Variants in ECT2L observed in about 807,000 individuals in gnomAD.
ECT2L encodes the protein epithelial cell-transforming sequence 2 oncogene-like.
ECT2L carries 126 observed loss-of-function variants against 122.8 expected under a neutral mutation model. That is an observed-to-expected ratio of 1.03 (90% CI 0.89 to 1.19). The LOEUF (loss-of-function observed/expected upper bound fraction) is 1.19. Among genes scored for constraint, ECT2L ranks in the 50% most tolerant of loss-of-function variants. The pLI, the probability that ECT2L is intolerant of heterozygous loss-of-function variation, is 0.00. For synonymous variants in ECT2L, 385 were observed against 381.8 expected, an observed-to-expected ratio of 1.01 and a Z score of -0.10; for missense variants, 1,012 against 1,064.1, an observed-to-expected ratio of 0.95 and a Z score of 0.68.
At chr6:138,832,215 C>A (rs1261680960) in intron 4 of ECT2L, among the ~76,000 whole-genome samples, 10 of 149,310 alleles carry the variant, frequency 6.7e-5, no homozygotes, top group African/African-American at 2.2e-4. Flanking sequence ...ACATTTCAAA[C>A]ATTCACTCCT....
chr6:138,862,810 T>G, intron 11 of ECT2L, 91 bp downstream of exon 11: 1 of 1,025,168 alleles, frequency 9.8e-7, no homozygotes, highest in Non-Finnish European at 1.5e-6. Context: ...AGTACTGGTA[T>G]GGCTGATATC....
At chr6:138,862,516 G>T (rs1777871218) in intron 10 of ECT2L, 111 bp from the exon 11 acceptor site, 4 of 1,052,384 alleles carry the variant, frequency 3.8e-6, no homozygotes, top group South Asian at 2.8e-5. Context: ...CACCTCCAAC[G>T]TTGGGGATTA....
Position 138,846,532 on chromosome 6 carries a change from T to C in ECT2L, c.765-7T>C, listed in dbSNP as rs746704340. ...GAAAACTTCTCATATTTCCTTTTAC[T>C]CCATAGAAGCAATATTTCTGGAAGC... On this transcript the variant is annotated splice_polypyrimidine_tract_variant and splice_region_variant and intron_variant, in intron 7 of 21. Coordinates refer to ENST00000541398, the MANE Select transcript of ECT2L (RefSeq NM_001077706.3). 1.3e-6 allele frequency: 2 copies of C among 1,572,980 alleles called. No individual in the cohort carries two copies. The highest frequency in any genetic ancestry group is 1.7e-6 in the Non-Finnish European group (2 of 1,164,702).
intron 5 of ECT2L, among the ~76,000 whole-genome samples, chr6:138,842,578 T>C (rs1777077804): frequency 6.6e-6 from 1 of 152,142 alleles, no homozygotes. Flanking sequence ...GAGACCATCC[T>C]GGCTAACACG....
chr6:138,813,987 A>G (rs1252490810), intron 3 of ECT2L, among the ~76,000 whole-genome samples: 1 of 152,110 alleles, frequency 6.6e-6, no homozygotes, highest in Non-Finnish European at 1.5e-5. Context: ...TGTCTTCCCT[A>G]GAGACATGTC....
intron 20 of ECT2L, among the ~76,000 whole-genome samples, chr6:138,895,381 C>T (rs1183707745): frequency 3.3e-5 from 5 of 152,140 alleles, no homozygotes; most frequent in South Asian, 4.1e-4. Flanking sequence ...ACAGGAACCA[C>T]GTTATGGGTG....
chr6:138,831,182 A>G (rs1376320214), intron 4 of ECT2L, among the ~76,000 whole-genome samples: 1 of 152,156 alleles, frequency 6.6e-6, no homozygotes, highest in Non-Finnish European at 1.5e-5. Context: ...TATCAATACC[A>G]GCTTAGGCCA....
intron 15 of ECT2L, among the ~76,000 whole-genome samples, chr6:138,881,451 C>G (rs1485983092): frequency 6.6e-6 from 1 of 151,822 alleles, no homozygotes; most frequent in Non-Finnish European, 1.5e-5. Context: ...GCACCAGGAA[C>G]CAGTTTCATG....
chr6:138,896,229 C>T (rs1053874519), intron 20 of ECT2L, among the ~76,000 whole-genome samples: 17 of 151,970 alleles, frequency 1.1e-4, no homozygotes, highest in African/African-American at 3.9e-4. Flanking sequence ...CTGCACGTGG[C>T]CAAAGCTTAC....
chr6:138,870,399 T>C (rs191780791), intron 13 of ECT2L: 18 of 152,712 alleles, frequency 1.2e-4, no homozygotes, highest in African/African-American at 4.8e-5. Context: ...TAAATCATTA[T>C]ATGAGCTCTA....
At chr6:138,886,342 G>C (rs1055897492) in intron 18 of ECT2L, among the ~76,000 whole-genome samples, 1 of 152,170 alleles carries the variant, frequency 6.6e-6, no homozygotes, top group Admixed American at 6.5e-5. Flanking sequence ...TTTCCATGCA[G>C]ATACTTTTTT....
At chr6:138,822,754 T>C in intron 4 of ECT2L, 1 of 1,589,424 alleles carries the variant, frequency 6.3e-7, no homozygotes, top group Non-Finnish European at 8.6e-7. Flanking sequence ...GCCATGGCTT[T>C]GGAACAGAAC....
intron 1 of ECT2L, among the ~76,000 whole-genome samples, chr6:138,805,618 T>G (rs1170582265): frequency 6.6e-6 from 1 of 152,178 alleles, no homozygotes; most frequent in Non-Finnish European, 1.5e-5. Context: ...AACTGAAATA[T>G]CCAAGATGAC....
chr6:138,846,613 A>G lies in ECT2L; in HGVS notation c.839A>G (p.Asp280Gly), dbSNP rs142505459. The G allele has an allele frequency of 2.8e-4, 452 of 1,611,646 alleles. 2 individuals carry two copies. In the African/African-American group the frequency reaches 5.0e-3, roughly 18 times the overall value. ...TGGCATGGAGTTCATAAAAATGATG[A>G]CAGATCTTCATATGCTCTCCGGCCA... ...KNWHGVHKND[D>G]RSSYALRPHF... Residue 280 changes from aspartate to glycine, a missense_variant, in exon 8 of 22, where the codon GAC becomes GGC. Asp to Gly is a moderately conservative substitution (Grantham distance 94). Coordinates refer to ENST00000541398, the MANE Select transcript of ECT2L (RefSeq NM_001077706.3).
At chr6:138,813,097 CTATCTA>C (rs1357885309) in intron 2 of ECT2L, 69 bp from the exon 3 acceptor site, 4 of 504,056 alleles carry the variant, frequency 7.9e-6, no homozygotes, top group Non-Finnish European at 1.4e-5. Flanking sequence ...AATTATAATT[CTATCTA>C]TATGTTATAT....
chr6:138,870,173 G>C (rs902049950), intron 13 of ECT2L: 9 of 152,584 alleles, frequency 5.9e-5, no homozygotes, highest in Non-Finnish European at 1.3e-4. Context: ...TTTCTTGCGG[G>C]GGGGTTGGGC....
Position 138,862,734 on chromosome 6 carries a change from A to T in ECT2L, c.1291+15A>T, listed in dbSNP as rs779763665. 2.4e-5 allele frequency: 39 copies of T among 1,609,802 alleles called. No homozygotes were observed. Among genetic ancestry groups the T allele is most frequent in the Non-Finnish European group, 3.2e-5 (38 of 1,176,384 alleles). On this transcript the variant is annotated intron_variant, in intron 11 of 21. Coordinates refer to ENST00000541398, the MANE Select transcript of ECT2L (RefSeq NM_001077706.3). ...TTACCAGCACAGTAAGTGTTATGGG[A>T]GCTGAGCGCCACGTCCAATAACACA... is the stretch of plus-strand genomic sequence containing the variant.
At chr6:138,891,095 T>C (rs967973862) in intron 20 of ECT2L, among the ~76,000 whole-genome samples, 1 of 150,684 alleles carries the variant, frequency 6.6e-6, no homozygotes, top group African/African-American at 2.5e-5. Flanking sequence ...CATTATACTC[T>C]CCTCCCTTAA....
chr6:138,872,196 A>G (rs1778280638), intron 13 of ECT2L, among the ~76,000 whole-genome samples: 1 of 152,192 alleles, frequency 6.6e-6, no homozygotes, highest in Non-Finnish European at 1.5e-5. Flanking sequence ...TACAGGTTGA[A>G]GCCCTGCTTG....
Sources: allele counts gnomAD v4.1 joint callset (sites outside exome capture counted in the v4.1 genomes callset), GRCh38; gene constraint gnomAD v4.1.1; transcripts MANE v1.5; gene names NCBI Gene and HGNC (gene_info 2026-07-23, HGNC 2026-07-21).